Variants in CRLF1 observed in about 807,000 individuals in gnomAD.
CRLF1 encodes the protein cytokine receptor like factor 1.
In CRLF1, 36 loss-of-function variants were observed where a neutral mutation model predicts 48.9. The ratio of observed to expected loss-of-function variants is 0.74; its 90% CI spans 0.56 to 0.97. The LOEUF is 0.97. CRLF1 is among the 50% of genes least tolerant of loss of function. CRLF1 has a pLI of 0.00. For missense variants in CRLF1, 534 were observed against 575.1 expected, an observed-to-expected ratio of 0.93 and a Z score of 0.73; for synonymous variants, 256 against 253.4, an observed-to-expected ratio of 1.01 and a Z score of -0.10.
rs1282140946 is a variant in CRLF1 at position 18,601,126 on chromosome 19, TTTTG to T, written c.116-1284_116-1281del. ...TAGCCTTCTTTATTTTTCATTCTCATTTTGTTTTTCTTTTTTGGCAACTAGAAAC... is the reference window on the plus strand; with the variant it reads ...TAGCCTTCTTTATTTTTCATTCTCATTTTTTCTTTTTTGGCAACTAGAAAC... On this transcript the variant is annotated intron_variant, in intron 1 of 8. Transcript: ENST00000392386. Among the ~76,000 whole-genome samples, 4 of 152,330 alleles carry T rather than the reference TTTTG, an allele frequency of 2.6e-5. No homozygotes were observed. The South Asian group carries it at 8.3e-4, about 32-fold the overall frequency.
intron 1 of CRLF1, among the ~76,000 whole-genome samples, chr19:18,600,291 C>T (rs1401001778): frequency 2.2e-4 from 33 of 151,980 alleles, no homozygotes; most frequent in Non-Finnish European, 5.9e-5. Context: ...CTCCGCCTCC[C>T]GGGTCCAAGC....
In CRLF1 at chr19:18,599,653, G is replaced by C; in HGVS notation, c.309C>G (p.Leu103=). The C allele has an allele frequency of 6.2e-7, 1 of 1,613,532 alleles. No individual in the cohort carries two copies. Among genetic ancestry groups the C allele is most frequent in the Non-Finnish European group, 8.5e-7 (1 of 1,179,928 alleles). ...CCCCCGACCGCTGCCTGGACCCATT[G>C]AGGTTGGCCAGGGCCAGAGCCAAGG... ...ASTLALALAN[L]NGSRQRSGDN... is the part of the protein sequence containing the mutation. Residue 103 remains leucine (L), a synonymous_variant, in exon 2 of 9, where the codon CTC becomes CTG. Coordinates refer to ENST00000392386, the MANE Select transcript of CRLF1 (RefSeq NM_004750.5).
chr19:18,603,833 G>A (rs1441200943), intron 1 of CRLF1, among the ~76,000 whole-genome samples: 1 of 151,428 alleles, frequency 6.6e-6, no homozygotes, highest in African/African-American at 2.4e-5. Context: ...GGAGGTCTCC[G>A]CGTCCGTGCG....
In CRLF1 at chr19:18,606,462, C is replaced by T. The variant is rs1976297518; in HGVS notation, c.115+80G>A. 4.8e-6 allele frequency: 5 copies of T among 1,039,204 alleles called. No individual in the cohort carries two copies. The highest frequency in any genetic ancestry group is 5.8e-6 in the Non-Finnish European group (5 of 859,676). 64.4% of individuals were successfully genotyped at this position (1,039,204 alleles called of 1,614,324 possible). A position where few individuals can be genotyped will look rare whatever the true frequency, so the allele number is the denominator to read the frequency against. ...CCCGGCCGTCCAGGTGGCGCCCGCGCCCCCTCCCCCCGCGGCTGCCCCCGG... is the reference window on the plus strand; with the variant it reads ...CCCGGCCGTCCAGGTGGCGCCCGCGTCCCCTCCCCCCGCGGCTGCCCCCGG... On this transcript the variant is annotated intron_variant, in intron 1 of 8. Transcript: ENST00000392386. The surrounding 1 kb of genome is among the most constrained non-coding windows in gnomAD (Gnocchi z 4.8).
intron 2 of CRLF1, 66 bp downstream of exon 2, chr19:18,599,499 G>C: frequency 6.2e-7 from 1 of 1,601,924 alleles, no homozygotes; most frequent in Non-Finnish European, 8.5e-7. Context: ...CACAATTCAT[G>C]CCTCACTCCA....
At chr19:18,594,549 C>G (rs1341068409) in intron 6 of CRLF1, 115 bp from the exon 7 acceptor site, 1 of 823,312 alleles carries the variant, frequency 1.2e-6, no homozygotes, top group Non-Finnish European at 1.6e-6. Context: ...ACCTCCCTCC[C>G]CGTTTCTCAA....
intron 1 of CRLF1, among the ~76,000 whole-genome samples, chr19:18,600,791 A>G (rs1389995519): frequency 6.6e-6 from 1 of 151,296 alleles, no homozygotes; most frequent in Non-Finnish European, 1.5e-5. Flanking sequence ...GAGCCAATAC[A>G]CCCAGGCATG....
In CRLF1 at chr19:18,606,640, C is replaced by G; in HGVS notation, c.17G>C (p.Arg6Pro). The G allele has an allele frequency of 2.2e-6, 2 of 924,248 alleles. No homozygotes were observed. Among genetic ancestry groups the G allele is most frequent in the Non-Finnish European group, 2.6e-6 (2 of 771,788 alleles). The allele number at this position is 924,248 out of a possible 1,614,324, so 57.3% of individuals were successfully genotyped here. ...CCGCGCGGATTGGGCGGCGGGGCCC[C>G]GGCGGCCGGCGGGCATGGGGCCGGC... is the stretch of plus-strand genomic sequence containing the variant. MPAGRRGPAAQSARRP... is the reference protein window; with the variant it reads MPAGRPGPAAQSARRP... The change falls in exon 1 of 9, where the codon CGG becomes CCG. Residue 6 changes from arginine (R) to proline (P), a missense_variant. Around this residue, in one of 2 missense-constraint regions of CRLF1, gnomAD observed 6 missense variants for 19.4 expected, o/e 0.31. Coordinates refer to ENST00000392386, the MANE Select transcript of CRLF1 (RefSeq NM_004750.5). The surrounding 1 kb of genome is among the most constrained non-coding windows in gnomAD (Gnocchi z 4.8).
rs1976298349 is a variant in CRLF1, at chr19:18,606,493, C to T, written c.115+49G>A. 7 of 1,120,018 alleles carry T rather than the reference C, an allele frequency of 6.2e-6. No individual in the cohort carries two copies. Among genetic ancestry groups the T allele is most frequent in the Non-Finnish European group, 7.6e-6 (7 of 915,902 alleles). 69.4% of individuals were successfully genotyped at this position (1,120,018 alleles called of 1,614,324 possible). A position where few individuals can be genotyped will look rare whatever the true frequency, so the allele number is the denominator to read the frequency against. On this transcript the variant is annotated intron_variant, in intron 1 of 8. Transcript: ENST00000392386. The surrounding 1 kb of genome is among the most constrained non-coding windows in gnomAD (Gnocchi z 4.8). ...CCCCCCGCGGCTGCCCCCGGGGCGC[C>T]CGCCCTCTGCTCTGGCAGGGGGGAA...
chr19:18,605,618 G>A (rs1353431645), intron 1 of CRLF1, among the ~76,000 whole-genome samples: 2 of 152,244 alleles, frequency 1.3e-5, no homozygotes, highest in Non-Finnish European at 2.9e-5. Context: ...CAGTGTGCGC[G>A]AGTTTGAGGG....
At chr19:18,599,071 C>T (rs1395405647) in intron 2 of CRLF1, 170 bp from the exon 3 acceptor site, 3 of 985,292 alleles carry the variant, frequency 3.0e-6, no homozygotes, top group Non-Finnish European at 3.6e-6. Context: ...GTGACAACTG[C>T]AAGGGCTCTT....
At chr19:18,596,534 A>C (rs907940702) in intron 6 of CRLF1, 88 bp downstream of exon 6, 1 of 1,505,434 alleles carries the variant, frequency 6.6e-7, no homozygotes, top group Non-Finnish European at 9.0e-7. Context: ...TCTCAAAAGA[A>C]AAAAAAAAGA....
chr19:18,593,824 C>A, intron 8 of CRLF1: 2 of 985,460 alleles, frequency 2.0e-6, no homozygotes, highest in Non-Finnish European at 2.4e-6. Flanking sequence ...TCATTCATTT[C>A]GGAGGAGATT....
Position 18,594,256 on chromosome 19 carries a change from G to A in CRLF1, c.1203C>T (p.Thr401=), listed in dbSNP as rs774342845. ...WRAWMQKSHK[T]RNQDEGILPS... ...GGTCCCTCCTTCCTACCTGGTTGCG[G>A]GTCTTGTGCGACTTCTGCATCCAGG... Residue 401 remains threonine (T), a synonymous_variant, in exon 7 of 9, where the codon ACC becomes ACT. Coordinates refer to ENST00000392386, the MANE Select transcript of CRLF1 (RefSeq NM_004750.5). The A allele has an allele frequency of 4.7e-5, 76 of 1,612,494 alleles. No individual in the cohort carries two copies. The highest frequency in any genetic ancestry group is 6.3e-5 in the Non-Finnish European group (74 of 1,179,882).
intron 6 of CRLF1, among the ~76,000 whole-genome samples, chr19:18,595,088 C>T (rs943063072): frequency 6.6e-6 from 1 of 152,308 alleles, no homozygotes; most frequent in South Asian, 2.1e-4. Flanking sequence ...CCTGTCGGTC[C>T]AGCTGCCGGC....
Position 18,599,750 on chromosome 19 carries a change from G to C in CRLF1, c.212C>G (p.Ala71Gly). 1 of 1,601,646 alleles carries C rather than the reference G, an allele frequency of 6.2e-7. No homozygotes were observed. The highest frequency in any genetic ancestry group is 1.3e-5 in the African/African-American group (1 of 74,968). Residue 71 changes from alanine to glycine, a missense_variant, in exon 2 of 9, where the codon GCC (alanine) becomes GGC (glycine). This residue lies in a region of CRLF1 where 528 missense variants were observed against 555.7 expected (regional missense o/e 0.95). Transcript: ENST00000392386. ...GTTGAGGGTCCAGTAGAGGCCCTCGGCGGTGGCTCCTGGTGGGTCTCCGTG... is the reference window on the plus strand; with the variant it reads ...GTTGAGGGTCCAGTAGAGGCCCTCGCCGGTGGCTCCTGGTGGGTCTCCGTG... ...SVHGDPPGATAEGLYWTLNGR... is the reference protein window; with the variant it reads ...SVHGDPPGATGEGLYWTLNGR...
At chr19:18,605,518 C>T (rs1465629891) in intron 1 of CRLF1, among the ~76,000 whole-genome samples, 1 of 152,194 alleles carries the variant, frequency 6.6e-6, no homozygotes, top group African/African-American at 2.4e-5. Flanking sequence ...TGGGTCGCCT[C>T]CCCTGTGGGA....
In CRLF1 at chr19:18,606,570, G is replaced by A. The variant is rs1412627750; in HGVS notation, c.87C>T (p.Leu29=). The A allele has an allele frequency of 8.7e-7, 1 of 1,144,960 alleles. No homozygotes were observed. Among genetic ancestry groups the A allele is most frequent in the Non-Finnish European group, 1.1e-6 (1 of 935,516 alleles). 70.9% of individuals were successfully genotyped at this position (1,144,960 alleles called of 1,614,324 possible). ...CTCCTGATCCGGCTCGCGGCGCCCC[G>A]AGGACGCAGAGCAGCAGCAGCAGGG... The part of the protein sequence containing the change: ...LLPLLLLLCV[L]GAPRAGSGAH... Residue 29 remains leucine, a synonymous_variant, in exon 1 of 9, where the codon CTC becomes CTT. Coordinates refer to ENST00000392386, the MANE Select transcript of CRLF1 (RefSeq NM_004750.5). This position sits in a 1 kb window ranked among gnomAD's most constrained non-coding sequence, Gnocchi z 4.8.
At chr19:18,594,031 C>CGGGGGGGG (rs1976092559) in intron 8 of CRLF1, 34 bp downstream of exon 8, 226 of 1,299,384 alleles carry the variant, frequency 1.7e-4, no homozygotes, top group Non-Finnish European at 2.2e-4. Flanking sequence ...CCTCCCCTTG[C>CGGGGGGGG]TCCCTCCCGC....
Sources: allele counts gnomAD v4.1 joint callset (sites outside exome capture counted in the v4.1 genomes callset), GRCh38; gene constraint gnomAD v4.1.1; regional missense constraint gnomAD v4.1.1; non-coding constraint Gnocchi (gnomAD v3.1); transcripts MANE v1.5; gene names NCBI Gene and HGNC (gene_info 2026-07-23, HGNC 2026-07-21).